The following ZNF430 variants were observed in gnomAD, a reference collection of about 807,000 sequenced individuals.
ZNF430 encodes the protein zinc finger protein 430.
Under a neutral mutation model 56.7 loss-of-function variants are expected in ZNF430, and 35 were observed. That is an observed-to-expected ratio of 0.62 (90% CI 0.47 to 0.82). ZNF430 has a LOEUF of 0.82. Ranked by LOEUF, ZNF430 falls within the 40% of genes least tolerant of loss-of-function variation. The pLI is 0.00. For missense variants in ZNF430, 574 were observed against 661.0 expected, an observed-to-expected ratio of 0.87 and a Z score of 1.44; for synonymous variants, 212 against 224.3, an observed-to-expected ratio of 0.94 and a Z score of 0.49.
intron 4 of ZNF430, among the ~76,000 whole-genome samples, chr19:21,042,682 G>C (rs1968125495): frequency 6.6e-6 from 1 of 152,036 alleles, no homozygotes; most frequent in African/African-American, 2.4e-5. Flanking sequence ...CCGCTACTTG[G>C]GAGGCTGAGG....
In ZNF430 at chr19:21,022,821, G is replaced by A; in HGVS notation, c.36G>A (p.Lys12=). The change falls in exon 2 of 5, where the codon AAG becomes AAA. Residue 12 remains lysine, a synonymous_variant. Transcript: ENST00000261560. ...ENLKSGVYPL[K]EASGCPGADR... is the part of the protein sequence containing the mutation. ...TGAAGTCTGGAGTGTATCCTCTCAA[G>A]GAAGCAAGTGGATGCCCTGGGGCTG... 5 of 1,613,928 alleles carry A rather than the reference G, an allele frequency of 3.1e-6. No homozygotes were observed. Among genetic ancestry groups the A allele is most frequent in the Non-Finnish European group, 4.2e-6 (5 of 1,179,878 alleles).
chr19:21,047,340 T>C (rs1968199979), intron 4 of ZNF430, among the ~76,000 whole-genome samples: 1 of 152,232 alleles, frequency 6.6e-6, no homozygotes, highest in Non-Finnish European at 1.5e-5. Context: ...TTTGTCAATT[T>C]ATCCACCTTA....
At chr19:21,040,282 T>C (rs527338637) in intron 4 of ZNF430, among the ~76,000 whole-genome samples, 2 of 152,352 alleles carry the variant, frequency 1.3e-5, no homozygotes, top group East Asian at 3.9e-4. Flanking sequence ...TGGATGTCCA[T>C]GTTCTGCAAG....
chr19:21,043,388 T>C lies in ZNF430; in HGVS notation c.322+9204T>C, dbSNP rs1278406685. Reference sequence around the variant, plus strand: ...CATTAAATAGGGAGTTTGTTCCTCATTGCTTGTTTTTGTCAGATTTTTCAA... The same window carrying C: ...CATTAAATAGGGAGTTTGTTCCTCACTGCTTGTTTTTGTCAGATTTTTCAA... On this transcript the variant is annotated intron_variant, in intron 4 of 4. Coordinates refer to ENST00000261560, the MANE Select transcript of ZNF430 (RefSeq NM_025189.4). Among the ~76,000 whole-genome samples, 3 of 152,206 alleles carry C rather than the reference T, an allele frequency of 2.0e-5. No individual in the cohort carries two copies. In the East Asian group the frequency reaches 5.8e-4, roughly 29 times the overall value.
chr19:21,047,784 G>A (rs1207218436), intron 4 of ZNF430, among the ~76,000 whole-genome samples: 3 of 152,154 alleles, frequency 2.0e-5, no homozygotes, highest in South Asian at 2.1e-4. Flanking sequence ...GTTGTCTGAC[G>A]ATGTCTGTTG....
rs2144795318 is a variant in ZNF430, at chr19:21,057,526, T to C, written c.1218T>C (p.Cys406=). ...AGAAATTCTACAAATGTGAAGAATG[T>C]GGCAAAGGCTTTAATTGGTCCTCGA... ...TGEKFYKCEE[C]GKGFNWSSTL... Residue 406 remains cysteine, a synonymous_variant, in exon 5 of 5, where the codon TGT becomes TGC. Coordinates refer to ENST00000261560, the MANE Select transcript of ZNF430 (RefSeq NM_025189.4). 6.2e-7 allele frequency: 1 copy of C among 1,613,448 alleles called. No individual in the cohort carries two copies. The highest frequency in any genetic ancestry group is 1.1e-5 in the South Asian group (1 of 91,068).
chr19:21,036,082 G>A (rs893140400), intron 4 of ZNF430: 1 of 151,938 alleles, frequency 6.6e-6, no homozygotes, highest in African/African-American at 2.4e-5. Context: ...GTTAGTGTAG[G>A]TTTCTTAACA....
chr19:21,021,825 T>TTTTTTTTTTTTTTTTTTTTTTTTG, intron 1 of ZNF430, among the ~76,000 whole-genome samples: 1 of 4,540 alleles, frequency 2.2e-4, no homozygotes, highest in African/African-American at 2.8e-4. Flanking sequence ...TGAGTTAGAT[T>TTTTTTTTTTTTTTTTTTTTTTTTG]TTTTTTTTTT....
rs751415947 is a variant in ZNF430 at position 21,022,901 on chromosome 19, A to T, written c.96+20A>T. 28 of 1,564,992 alleles carry T rather than the reference A, an allele frequency of 1.8e-5. No homozygotes were observed. The highest frequency in any genetic ancestry group is 1.7e-5 in the Admixed American group (1 of 59,872). ...GAAAAGGTAACCCCTTGAGATGTTA[A>T]AATTGTCTTCACCCAACCCAGCTTT... On this transcript the variant is annotated intron_variant, in intron 2 of 4. Coordinates refer to ENST00000261560, the MANE Select transcript of ZNF430 (RefSeq NM_025189.4).
intron 4 of ZNF430, among the ~76,000 whole-genome samples, chr19:21,045,913 A>ATG (rs1424729161): frequency 6.6e-6 from 1 of 151,980 alleles, no homozygotes; most frequent in Admixed American, 6.6e-5. Context: ...CATTTTAAGC[A>ATG]TGTGTGTGTC....
intron 4 of ZNF430, among the ~76,000 whole-genome samples, chr19:21,051,769 G>A (rs192045231): frequency 3.9e-4 from 59 of 152,280 alleles, no homozygotes; most frequent in African/African-American, 1.1e-3. Flanking sequence ...AATTATAGGC[G>A]TGAGCCACTG....
intron 4 of ZNF430, among the ~76,000 whole-genome samples, chr19:21,045,367 C>T (rs549090333): frequency 6.6e-6 from 1 of 152,226 alleles, no homozygotes; most frequent in African/African-American, 2.4e-5. Flanking sequence ...GTTCAATTTC[C>T]ATGTACTTGT....
chr19:21,057,401 A>G lies in ZNF430; in HGVS notation c.1093A>G (p.Ile365Val). The G allele has an allele frequency of 1.2e-6, 2 of 1,613,500 alleles. No individual in the cohort carries two copies. Among genetic ancestry groups the G allele is most frequent in the Non-Finnish European group, 1.7e-6 (2 of 1,179,958 alleles). Residue 365 changes from isoleucine (I) to valine (V), a missense_variant, in exon 5 of 5, where the codon ATA becomes GTA. Physicochemically the swap from Ile to Val is conservative, Grantham distance 29 (BLOSUM62 3). Around this residue, in one of 3 missense-constraint regions of ZNF430, gnomAD observed 15 missense variants for 40.9 expected, o/e 0.37. Transcript: ENST00000261560. ...ATCCTCAACCCTTACTACACATAAG[A>G]TAATTCATGCTGGAGAGAAACCTTA... ...NQSSTLTTHK[I>V]IHAGEKPYKC...
chr19:21,024,857 A>T (rs1967764014), intron 2 of ZNF430, among the ~76,000 whole-genome samples: 1 of 152,010 alleles, frequency 6.6e-6, no homozygotes, highest in African/African-American at 2.4e-5. Flanking sequence ...AGAATGTTTT[A>T]CCCTGAAGTC....
chr19:21,047,066 G>T (rs576218791), intron 4 of ZNF430, among the ~76,000 whole-genome samples: 14 of 152,192 alleles, frequency 9.2e-5, no homozygotes, highest in African/African-American at 2.6e-4. Flanking sequence ...TTGTCTGCCT[G>T]TTTTATTTCA....
chr19:21,053,834 C>A (rs937181452), intron 4 of ZNF430, among the ~76,000 whole-genome samples: 4 of 151,954 alleles, frequency 2.6e-5, no homozygotes, highest in Admixed American at 6.6e-5. Flanking sequence ...ATTCTTGTAT[C>A]TTTGTCTCTC....
Position 21,057,643 on chromosome 19 carries a change from T to G in ZNF430, c.1335T>G (p.Thr445=). 6.2e-7 allele frequency: 1 copy of G among 1,612,294 alleles called. No individual in the cohort carries two copies. Reference sequence around the variant, plus strand: ...CTTTTAATGAGTCCTCAAACCTTACTGCACATAAGATAATTCATACTGGAG... The same window carrying G: ...CTTTTAATGAGTCCTCAAACCTTACGGCACATAAGATAATTCATACTGGAG... The part of the protein sequence containing the change: ...GKAFNESSNL[T]AHKIIHTGEK... The change falls in exon 5 of 5, where the codon ACT becomes ACG. Residue 445 remains threonine (T), a synonymous_variant. Coordinates refer to ENST00000261560, the MANE Select transcript of ZNF430 (RefSeq NM_025189.4).
Position 21,056,766 on chromosome 19 carries a change from A to C in ZNF430, c.458A>C (p.Asp153Ala). The change falls in exon 5 of 5, where the codon GAT becomes GCT. Residue 153 changes from aspartate to alanine, a missense_variant. Around this residue, in one of 3 missense-constraint regions of ZNF430, gnomAD observed 346 missense variants for 399.1 expected, o/e 0.87. Transcript: ENST00000261560. Reference protein sequence around the residue: ...LQLRTGCKSVDECNLHKECYD... With the variant: ...LQLRTGCKSVAECNLHKECYD... ...TTAAGAACAGGCTGTAAAAGTGTGG[A>C]TGAGTGTAATCTGCACAAAGAATGT... 6.2e-7 allele frequency: 1 copy of C among 1,613,938 alleles called. No homozygotes were observed. Among genetic ancestry groups the C allele is most frequent in the African/African-American group, 1.3e-5 (1 of 75,062 alleles).
chr19:21,025,030 A>T (rs1301965936), intron 2 of ZNF430, among the ~76,000 whole-genome samples: 1 of 152,132 alleles, frequency 6.6e-6, no homozygotes, highest in Non-Finnish European at 1.5e-5. Flanking sequence ...TCTTATCGGA[A>T]AGGGGTCACA....
Sources: gnomAD v4.1 joint callset for allele counts (sites outside exome capture counted in the v4.1 genomes callset) on GRCh38, gnomAD v4.1.1 for gene constraint, gnomAD v4.1.1 regional missense constraint, MANE v1.5 for transcripts, NCBI Gene and HGNC (gene_info 2026-07-23, HGNC 2026-07-21) for gene names.